The following VCL variants were observed in gnomAD, a reference collection of about 807,000 sequenced individuals.
VCL encodes epididymis luminal protein 114.
Under a neutral mutation model 125.7 loss-of-function variants are expected in VCL, and 47 were observed. That is an observed-to-expected ratio of 0.37 (90% CI 0.30 to 0.48). The LOEUF (loss-of-function observed/expected upper bound fraction) is 0.48, where lower values mean the gene tolerates loss of function less well. Among genes scored for constraint, VCL ranks in the 20% least tolerant of loss-of-function variants. The pLI, the probability that VCL is intolerant of heterozygous loss-of-function variation, is 0.99. For synonymous variants in VCL, 458 were observed against 514.6 expected, an observed-to-expected ratio of 0.89 and a Z score of 1.49; for missense variants, 1,069 against 1,455.5, an observed-to-expected ratio of 0.73 and a Z score of 4.32.
At chr10:74,041,743 A>AC (rs1841098356) in intron 1 of VCL, among the ~76,000 whole-genome samples, 1 of 151,644 alleles carries the variant, frequency 6.6e-6, no homozygotes, top group Non-Finnish European at 1.5e-5. Context: ...AATCCAAAAA[A>AC]AAAAAAAAGA....
intron 21 of VCL, among the ~76,000 whole-genome samples, chr10:74,116,965 A>T (rs1840319681): frequency 6.6e-6 from 1 of 152,204 alleles, no homozygotes; most frequent in Admixed American, 6.5e-5. Context: ...CAAATGATGT[A>T]TGACTTAAAA....
Position 74,090,054 on chromosome 10 carries a change from AAGG to A in VCL, c.1211_1213del (p.Gly404del), listed in dbSNP as rs765447405. 4 of 1,614,192 alleles carry A rather than the reference AAGG, an allele frequency of 2.5e-6. No homozygotes were observed. The highest frequency in any genetic ancestry group is 2.2e-5 in the South Asian group (2 of 91,086). Reference sequence around the variant, plus strand: ...CTTGCAGATCCAAATGGTGGACCGGAAGGAGAAGAGCAGATTCGAGGTGCTTTG... The same window carrying A: ...CTTGCAGATCCAAATGGTGGACCGGAAGAAGAGCAGATTCGAGGTGCTTTG... On this transcript the variant is annotated inframe_deletion, in exon 10 of 22. Transcript: ENST00000211998.
chr10:74,092,021 G>C (rs984793865), intron 10 of VCL, among the ~76,000 whole-genome samples: 6 of 151,874 alleles, frequency 4.0e-5, no homozygotes, highest in Non-Finnish European at 8.8e-5. Flanking sequence ...TGATTCTCCT[G>C]CCTCAGCCTC....
In VCL at chr10:74,001,704, A is replaced by G. The variant is rs574998247; in HGVS notation, c.168+3329A>G. On this transcript the variant is annotated intron_variant, in intron 1 of 21. Coordinates refer to ENST00000211998, the MANE Select transcript of VCL (RefSeq NM_014000.3). ...TGGATAATTGAACTCTGAATTTGCT[A>G]GAAAAGAAACATAGTATTACGGTAA... is the stretch of plus-strand genomic sequence containing the variant. Among the ~76,000 whole-genome samples the G allele has an allele frequency of 2.0e-5, 3 of 152,358 alleles. No individual in the cohort carries two copies. The East Asian group carries it at 5.8e-4, about 29-fold the overall frequency.
intron 2 of VCL, among the ~76,000 whole-genome samples, chr10:74,069,286 C>G (rs1841624495): frequency 6.6e-6 from 1 of 152,040 alleles, no homozygotes; most frequent in African/African-American, 2.4e-5. Context: ...GTGATCTGCC[C>G]ACCTTGGCCT....
chr10:74,114,428 T>C (rs749997152), intron 20 of VCL, 41 bp downstream of exon 20: 125 of 1,569,178 alleles, frequency 8.0e-5, no homozygotes, highest in Non-Finnish European at 9.2e-5. Flanking sequence ...TGTGTGTGTG[T>C]GTGTGTGTGC....
chr10:74,039,554 A>G (rs186053337), intron 1 of VCL, among the ~76,000 whole-genome samples: 9 of 152,116 alleles, frequency 5.9e-5, no homozygotes, highest in African/African-American at 2.2e-4. Flanking sequence ...AGGCAAAGGC[A>G]GGAGGATCGC....
chr10:74,013,109 G>A (rs1157996310), intron 1 of VCL, among the ~76,000 whole-genome samples: 1 of 152,092 alleles, frequency 6.6e-6, no homozygotes, highest in South Asian at 2.1e-4. Context: ...ATCTTGCCTT[G>A]TGGAGTAAAG....
At chr10:74,089,410 TA>T in intron 9 of VCL, 61 bp downstream of exon 9, 1 of 1,602,514 alleles carries the variant, frequency 6.2e-7, no homozygotes, top group Non-Finnish European at 8.5e-7. Flanking sequence ...AAGTCATAAA[TA>T]TCCTATCTTT....
chr10:74,117,458 C>T (rs1388334018), intron 21 of VCL, among the ~76,000 whole-genome samples: 2 of 152,152 alleles, frequency 1.3e-5, no homozygotes, highest in African/African-American at 2.4e-5. Flanking sequence ...AGTACGAGTC[C>T]AACCTGGGCA....
chr10:74,001,487 A>C (rs2136220530), intron 1 of VCL, among the ~76,000 whole-genome samples: 1 of 152,228 alleles, frequency 6.6e-6, no homozygotes, highest in Non-Finnish European at 1.5e-5. Flanking sequence ...TATGGTCCTC[A>C]GTTCCTGCCC....
chr10:74,010,159 A>G (rs1840406012), intron 1 of VCL, among the ~76,000 whole-genome samples: 1 of 151,936 alleles, frequency 6.6e-6, no homozygotes, highest in Non-Finnish European at 1.5e-5. Flanking sequence ...TCCTGACTTC[A>G]AGTGATCCAT....
intron 8 of VCL, among the ~76,000 whole-genome samples, chr10:74,084,316 G>A (rs1839732463): frequency 6.6e-6 from 1 of 151,506 alleles, no homozygotes; most frequent in Non-Finnish European, 1.5e-5. Flanking sequence ...TTTAGAGACG[G>A]AGTCTCGCTC....
chr10:74,052,011 T>C (rs751565733), intron 2 of VCL, among the ~76,000 whole-genome samples: 26 of 152,350 alleles, frequency 1.7e-4, no homozygotes, highest in Admixed American at 3.3e-4. Context: ...ATACCCACTT[T>C]TAATTATATT....
At chr10:74,114,469 A>G in intron 20 of VCL, 82 bp downstream of exon 20, 1 of 1,508,364 alleles carries the variant, frequency 6.6e-7, no homozygotes, top group South Asian at 1.2e-5. Context: ...GGAGGGTATG[A>G]GAGGGAGAAA....
At position 74,119,518 on chromosome 10, in the gene VCL, G is replaced by C. The variant is rs1840371116; in HGVS notation, c.*1349G>C. On this transcript the variant is annotated 3_prime_UTR_variant, in exon 22 of 22. Transcript: ENST00000211998. ...TTCATATTTCTTATCACCACAGTAA[G>C]TTCCTACTAGGCAAAATGAGAGGGC... 1 of 152,208 alleles carries C rather than the reference G, an allele frequency of 6.6e-6. No homozygotes were observed. The highest frequency in any genetic ancestry group is 2.4e-5 in the African/African-American group (1 of 41,446). 9.4% of individuals were successfully genotyped at this position (152,208 alleles called of 1,614,324 possible).
chr10:74,040,072 CCTT>C (rs1425280554), intron 1 of VCL, among the ~76,000 whole-genome samples: 5 of 152,210 alleles, frequency 3.3e-5, no homozygotes, highest in Non-Finnish European at 7.3e-5. Context: ...ATGAGTGACT[CCTT>C]CTTAGTTTCA....
intron 2 of VCL, among the ~76,000 whole-genome samples, chr10:74,047,292 G>A (rs758194119): frequency 6.6e-6 from 1 of 152,174 alleles, no homozygotes; most frequent in Non-Finnish European, 1.5e-5. Flanking sequence ...GTGAGACCCT[G>A]TGTAAAACAA....
At chr10:74,054,066 A>G (rs912117386) in intron 2 of VCL, among the ~76,000 whole-genome samples, 3 of 152,104 alleles carry the variant, frequency 2.0e-5, no homozygotes, top group Non-Finnish European at 4.4e-5. Context: ...CATACAGCTC[A>G]GTTCTAGTGA....
Sources: gnomAD v4.1 joint callset for allele counts (sites outside exome capture counted in the v4.1 genomes callset) on GRCh38, gnomAD v4.1.1 for gene constraint, MANE v1.5 for transcripts, NCBI Gene and HGNC (gene_info 2026-07-23, HGNC 2026-07-21) for gene names.